The following DNAJC15 variants were observed in gnomAD, a reference collection of about 807,000 sequenced individuals.
The protein encoded by DNAJC15 is dnaJ homolog subfamily C member 15.
Under a neutral mutation model 22.4 loss-of-function variants are expected in DNAJC15, and 27 were observed. The ratio of observed to expected loss-of-function variants is 1.20; its 90% CI spans 0.89 to 1.66. DNAJC15 has a LOEUF of 1.66. Ranked by LOEUF, DNAJC15 falls within the 40% of genes most tolerant of loss-of-function variation. The pLI is 0.00. For missense variants in DNAJC15, 208 were observed against 187.1 expected, an observed-to-expected ratio of 1.11 and a Z score of -0.65; for synonymous variants, 79 against 63.2, an observed-to-expected ratio of 1.25 and a Z score of -1.19.
rs562943435 is a variant in DNAJC15 at position 43,031,112 on chromosome 13, G to A, written c.108+7378G>A. Among the ~76,000 whole-genome samples the A allele has an allele frequency of 4.7e-4, 71 of 152,322 alleles. 3 individuals are homozygous for A. The South Asian group carries it at 0.015, about 31-fold the overall frequency. ...GGGGATGACTGGGTTAAATGGTGTT[G>A]CATTATGTGAGTGATGATTATAGCA... On this transcript the variant is annotated intron_variant, in intron 1 of 5. Transcript: ENST00000379221.
chr13:43,055,461 T>C (rs2040526074), intron 1 of DNAJC15, among the ~76,000 whole-genome samples: 1 of 152,136 alleles, frequency 6.6e-6, no homozygotes, highest in African/African-American at 2.4e-5. Flanking sequence ...TTTTGCCTAT[T>C]CAACTTTGCT....
rs772110439 is a variant in DNAJC15, at chr13:43,085,840, T to C, written c.382+2T>C. The stretch of plus-strand genomic sequence containing the variant: ...TGATTTTGAATCACCCAGATAAAGG[T>C]AGGTAGAATTCCTATTTTTCATAAT... On this transcript the variant is annotated splice_donor_variant, in intron 5 of 5. Coordinates refer to ENST00000379221, the MANE Select transcript of DNAJC15 (RefSeq NM_013238.3). LOFTEE classifies it high-confidence loss of function. The C allele has an allele frequency of 2.2e-5, 35 of 1,611,930 alleles. No individual in the cohort carries two copies. The highest frequency in any genetic ancestry group is 3.0e-5 in the Non-Finnish European group (35 of 1,178,880).
intron 5 of DNAJC15, among the ~76,000 whole-genome samples, chr13:43,100,234 G>T (rs56909646): frequency 1.4e-5 from 2 of 143,756 alleles, no homozygotes; most frequent in South Asian, 2.2e-4. Flanking sequence ...TTGAAACAGG[G>T]TCTCACTCTG....
chr13:43,065,120 A>G (rs1334739423), intron 1 of DNAJC15, among the ~76,000 whole-genome samples: 2 of 152,242 alleles, frequency 1.3e-5, no homozygotes, highest in Non-Finnish European at 2.9e-5. Context: ...AAAATAAATT[A>G]TCATCAGAAT....
chr13:43,048,433 G>A (rs183365491), intron 1 of DNAJC15, among the ~76,000 whole-genome samples: 16 of 152,338 alleles, frequency 1.1e-4, no homozygotes, highest in Admixed American at 1.0e-3. Context: ...CGGAGGTTGT[G>A]GTGAGCCGAG....
Position 43,060,843 on chromosome 13 carries a change from C to T in DNAJC15, c.109-4843C>T, listed in dbSNP as rs532364224. Among the ~76,000 whole-genome samples, 6 of 152,172 alleles carry T rather than the reference C, an allele frequency of 3.9e-5. No homozygotes were observed. In the South Asian group the frequency reaches 1.2e-3, roughly 31 times the overall value. ...ATGTCTGACAGAAGGGAAGAAATGACTGCGGTGGTCTTCTCAGATCCTGTG... is the reference window on the plus strand; with the variant it reads ...ATGTCTGACAGAAGGGAAGAAATGATTGCGGTGGTCTTCTCAGATCCTGTG... On this transcript the variant is annotated intron_variant, in intron 1 of 5. Transcript: ENST00000379221.
intron 5 of DNAJC15, among the ~76,000 whole-genome samples, chr13:43,086,347 T>C (rs1261775291): frequency 6.6e-6 from 1 of 152,194 alleles, no homozygotes; most frequent in Non-Finnish European, 1.5e-5. Context: ...AGAAAGACAA[T>C]TATTATAACT....
chr13:43,035,315 T>C (rs1424018303), intron 1 of DNAJC15, among the ~76,000 whole-genome samples: 1 of 152,232 alleles, frequency 6.6e-6, no homozygotes, highest in South Asian at 2.1e-4. Context: ...AAGTTTGTTA[T>C]AGAATCTTAG....
chr13:43,100,868 A>G (rs1393407389), intron 5 of DNAJC15, among the ~76,000 whole-genome samples: 2 of 151,924 alleles, frequency 1.3e-5, no homozygotes, highest in Non-Finnish European at 2.9e-5. Context: ...GCTGGTATTT[A>G]TTCTTCATTT....
At chr13:43,074,459 T>C (rs999466822) in intron 3 of DNAJC15, among the ~76,000 whole-genome samples, 10 of 152,224 alleles carry the variant, frequency 6.6e-5, no homozygotes, top group Non-Finnish European at 1.2e-4. Flanking sequence ...ATCTATTTGA[T>C]GGTATACTTG....
Position 43,040,724 on chromosome 13 carries a change from A to G in DNAJC15, c.108+16990A>G, listed in dbSNP as rs7985355. On this transcript the variant is annotated intron_variant, in intron 1 of 5. Coordinates refer to ENST00000379221, the MANE Select transcript of DNAJC15 (RefSeq NM_013238.3). ...TGAGTTCCCTTAGTATTTATTGGTCATTCTTGGGTGTTTCTCGGAGAGGGG... is the reference window on the plus strand; with the variant it reads ...TGAGTTCCCTTAGTATTTATTGGTCGTTCTTGGGTGTTTCTCGGAGAGGGG... Among the ~76,000 whole-genome samples, 227 of 152,198 alleles carry G rather than the reference A, an allele frequency of 1.5e-3. 1 individual carries two copies. Among genetic ancestry groups the G allele is most frequent in the African/African-American group, 5.1e-3 (211 of 41,530 alleles).
chr13:43,056,508 G>A (rs2040532241), intron 1 of DNAJC15, among the ~76,000 whole-genome samples: 1 of 152,158 alleles, frequency 6.6e-6, no homozygotes, highest in South Asian at 2.1e-4. Context: ...CAGTTGTTGG[G>A]TAGAATGTTC....
At chr13:43,089,588 A>T (rs1196117055) in intron 5 of DNAJC15, among the ~76,000 whole-genome samples, 2 of 152,312 alleles carry the variant, frequency 1.3e-5, no homozygotes, top group African/African-American at 4.8e-5. Context: ...AACTAGTGTG[A>T]TAGGAATGTA....
intron 1 of DNAJC15, among the ~76,000 whole-genome samples, chr13:43,045,055 G>T (rs77766409): frequency 1.3e-5 from 2 of 152,190 alleles, no homozygotes; most frequent in East Asian, 3.9e-4. Context: ...GACCATATAA[G>T]GCCCAGCATG....
intron 1 of DNAJC15, among the ~76,000 whole-genome samples, chr13:43,051,651 GTGTGTGTGTGTA>G (rs146020684): frequency 0.21 from 32,080 of 149,396 alleles, 3,511 homozygotes; most frequent in South Asian, 0.39. Context: ...GTGTGTGTGT[GTGTGTGTGTGTA>G]TATATATCAC....
At chr13:43,061,710 A>G (rs182154962) in intron 1 of DNAJC15, among the ~76,000 whole-genome samples, 10 of 152,364 alleles carry the variant, frequency 6.6e-5, no homozygotes, top group East Asian at 5.8e-4. Flanking sequence ...TTGTATTCAG[A>G]GCGAGAACTC....
Position 43,110,399 on chromosome 13 carries a change from A to C in DNAJC15, c.*3151A>C, listed in dbSNP as rs527995449. 2.6e-5 allele frequency: 4 copies of C among 152,332 alleles called. No individual in the cohort carries two copies. Among genetic ancestry groups the C allele is most frequent in the African/African-American group, 9.6e-5 (4 of 41,554 alleles). 9.4% of individuals were successfully genotyped at this position (152,332 alleles called of 1,614,324 possible). A position where few individuals can be genotyped will look rare whatever the true frequency, so the allele number is the denominator to read the frequency against. On this transcript the variant is annotated 3_prime_UTR_variant, in exon 6 of 6. Coordinates refer to ENST00000379221, the MANE Select transcript of DNAJC15 (RefSeq NM_013238.3). Reference sequence around the variant, plus strand: ...AGAGCCTGCCTCGATTCAAAGGGAGAGGATAGAGAGGACTGAAGGAATCAG... The same window carrying C: ...AGAGCCTGCCTCGATTCAAAGGGAGCGGATAGAGAGGACTGAAGGAATCAG...
At chr13:43,048,163 A>T (rs942275250) in intron 1 of DNAJC15, among the ~76,000 whole-genome samples, 2 of 152,196 alleles carry the variant, frequency 1.3e-5, no homozygotes, top group African/African-American at 4.8e-5. Context: ...AATTTTTGAC[A>T]AGTGTACTCT....
chr13:43,056,641 A>G (rs903330638), intron 1 of DNAJC15, among the ~76,000 whole-genome samples: 1 of 152,032 alleles, frequency 6.6e-6, no homozygotes, highest in Non-Finnish European at 1.5e-5. Context: ...CCCCACTGTT[A>G]TTGTGTTGCC....
Sources: allele counts gnomAD v4.1 joint callset (sites outside exome capture counted in the v4.1 genomes callset), GRCh38; gene constraint gnomAD v4.1.1; transcripts MANE v1.5; gene names NCBI Gene and HGNC (gene_info 2026-07-23, HGNC 2026-07-21).